The following APAF1 variants were observed in gnomAD, a reference collection of about 807,000 sequenced individuals.
APAF1 encodes apoptotic peptidase activating factor 1, also known as apoptotic protease-activating factor 1.
In APAF1, 91 loss-of-function variants were observed where a neutral mutation model predicts 152.4. That is an observed-to-expected ratio of 0.60 (90% CI 0.50 to 0.71). APAF1 has a LOEUF of 0.71. Among genes scored for constraint, APAF1 ranks in the 30% least tolerant of loss-of-function variants. The probability of loss-of-function intolerance (pLI) is 0.00; values close to 1 mark genes in which losing one functional copy is unlikely to be tolerated. For synonymous variants in APAF1, 484 were observed against 494.1 expected, an observed-to-expected ratio of 0.98 and a Z score of 0.27; for missense variants, 1,283 against 1,472.0, an observed-to-expected ratio of 0.87 and a Z score of 2.10.
At chr12:98,654,750 A>G (rs1329984375) in intron 4 of APAF1, among the ~76,000 whole-genome samples, 1 of 151,946 alleles carries the variant, frequency 6.6e-6, no homozygotes. Context: ...AAAAATGGAA[A>G]CTTAAGGCAA....
At chr12:98,646,862 C>T (rs1025367658) in intron 1 of APAF1, among the ~76,000 whole-genome samples, 5 of 152,114 alleles carry the variant, frequency 3.3e-5, no homozygotes, top group African/African-American at 1.2e-4. Flanking sequence ...TCATGTCCTC[C>T]TGGTCTGAGA....
chr12:98,723,464 A>C, intron 23 of APAF1, 152 bp downstream of exon 23: 1 of 1,026,534 alleles, frequency 9.7e-7, no homozygotes, highest in Admixed American at 2.2e-5. Flanking sequence ...AGTCACCTAC[A>C]TCTGCTGTGT....
rs201605746 is a variant in APAF1 at position 98,671,756 on chromosome 12, C to T, written c.1793+37C>T. 1.8e-5 allele frequency: 28 copies of T among 1,579,234 alleles called. No homozygotes were observed. The African/African-American group carries it at 2.0e-4, about 11-fold the overall frequency. The stretch of plus-strand genomic sequence containing the variant: ...AGGAGAGAAACCAAAGGGAGTGGTG[C>T]GCTAACTATATCATTATTTTTCAGG... On this transcript the variant is annotated intron_variant, in intron 12 of 26. Coordinates refer to ENST00000551964, the MANE Select transcript of APAF1 (RefSeq NM_181861.2).
chr12:98,730,209 T>C (rs2097758539), intron 26 of APAF1, among the ~76,000 whole-genome samples: 1 of 152,242 alleles, frequency 6.6e-6, no homozygotes, highest in Non-Finnish European at 1.5e-5. Context: ...TATTCAGTTA[T>C]TAGGAGATCC....
chr12:98,659,655 G>A (rs2153312932), intron 5 of APAF1, among the ~76,000 whole-genome samples: 1 of 151,724 alleles, frequency 6.6e-6, no homozygotes, highest in East Asian at 2.0e-4. Flanking sequence ...AGGAGGCTGA[G>A]GCAGGAGAAT....
chr12:98,697,979 G>A (rs1021774951), intron 16 of APAF1, among the ~76,000 whole-genome samples: 3 of 152,150 alleles, frequency 2.0e-5, no homozygotes, highest in Non-Finnish European at 4.4e-5. Flanking sequence ...GGCCTGGGGT[G>A]CACAGGGACC....
chr12:98,669,959 C>T (rs2097678011), intron 10 of APAF1, among the ~76,000 whole-genome samples: 2 of 145,468 alleles, frequency 1.4e-5, no homozygotes, highest in Non-Finnish European at 3.0e-5. Flanking sequence ...GACAGGATCT[C>T]ACCAGGATGT....
intron 20 of APAF1, among the ~76,000 whole-genome samples, chr12:98,710,230 ATAGTATATT>A (rs2097726512): frequency 7.6e-6 from 1 of 131,576 alleles, no homozygotes; most frequent in Non-Finnish European, 1.6e-5. Flanking sequence ...CTATTTTCTC[ATAGTATATT>A]TAGGGCCTTT....
intron 20 of APAF1, among the ~76,000 whole-genome samples, chr12:98,711,738 G>A (rs2097728100): frequency 6.6e-6 from 1 of 152,216 alleles, no homozygotes; most frequent in African/African-American, 2.4e-5. Flanking sequence ...TACAGATTAT[G>A]AAATTAGGTA....
intron 3 of APAF1, chr12:98,649,245 G>A (rs773794530): frequency 1.1e-4 from 106 of 981,090 alleles, no homozygotes; most frequent in Non-Finnish European, 1.2e-4. Context: ...AATTGGGTGA[G>A]TAAAGCAGAT....
At chr12:98,729,458 C>T (rs538694686) in intron 26 of APAF1, among the ~76,000 whole-genome samples, 1 of 152,312 alleles carries the variant, frequency 6.6e-6, no homozygotes, top group South Asian at 2.1e-4. Context: ...ACTAATGCCA[C>T]CACTGATCTC....
intron 16 of APAF1, among the ~76,000 whole-genome samples, chr12:98,693,879 G>A (rs756607971): frequency 2.7e-5 from 4 of 150,244 alleles, no homozygotes; most frequent in Non-Finnish European, 4.4e-5. Flanking sequence ...AAGAATCTAT[G>A]GGAAGTAAAT....
Position 98,732,583 on chromosome 12 carries a change from T to C in APAF1, c.*17T>C, listed in dbSNP as rs2097764003. 17 of 1,517,124 alleles carry C rather than the reference T, an allele frequency of 1.1e-5. No homozygotes were observed. Among genetic ancestry groups the C allele is most frequent in the Non-Finnish European group, 1.5e-5 (17 of 1,100,774 alleles). 94.0% of individuals were successfully genotyped at this position (1,517,124 alleles called of 1,614,324 possible). On this transcript the variant is annotated 3_prime_UTR_variant, in exon 27 of 27. Coordinates refer to ENST00000551964, the MANE Select transcript of APAF1 (RefSeq NM_181861.2). ...TTAGAATAAAATAGTTAAGCATTAA[T>C]GTAGTTGAACTTTTTAAATTTTTGA...
chr12:98,700,219 A>G (rs566588452), intron 17 of APAF1, among the ~76,000 whole-genome samples: 1 of 152,336 alleles, frequency 6.6e-6, no homozygotes, highest in African/African-American at 2.4e-5. Flanking sequence ...CAGTAGCCCT[A>G]TGATAATAAT....
chr12:98,693,046 G>C (rs1271172436), intron 16 of APAF1, among the ~76,000 whole-genome samples: 1 of 151,062 alleles, frequency 6.6e-6, no homozygotes, highest in Non-Finnish European at 1.5e-5. Context: ...AGCCTCCCTG[G>C]CATCTTTTAT....
intron 26 of APAF1, among the ~76,000 whole-genome samples, chr12:98,730,561 G>A (rs1593133844): frequency 6.6e-6 from 1 of 152,306 alleles, no homozygotes; most frequent in East Asian, 1.9e-4. Context: ...TGTCTGAAGG[G>A]TGAAAGAACT....
rs979915353 is a variant in APAF1 at position 98,723,366 on chromosome 12, T to C, written c.3204+54T>C. 2.6e-6 allele frequency: 4 copies of C among 1,567,740 alleles called. No homozygotes were observed. The African/African-American group carries it at 5.4e-5, about 21-fold the overall frequency. ...AAAAAGTATTCTCATATTGCAATGA[T>C]TATATTGAGACAGTCAAAAGCCACT... On this transcript the variant is annotated intron_variant, in intron 23 of 26. Transcript: ENST00000551964.
At chr12:98,673,298 T>C (rs755639919) in intron 12 of APAF1, among the ~76,000 whole-genome samples, 4 of 151,578 alleles carry the variant, frequency 2.6e-5, no homozygotes, top group Non-Finnish European at 5.9e-5. Context: ...CTGGTCAACA[T>C]GGTGAAACCC....
rs1373347578 is a variant in APAF1, at chr12:98,732,642, A to T, written c.*76A>T. 3.1e-6 allele frequency: 3 copies of T among 972,408 alleles called. No individual in the cohort carries two copies. The Admixed American group carries it at 6.7e-5, about 22-fold the overall frequency. 60.2% of individuals were successfully genotyped at this position (972,408 alleles called of 1,614,324 possible). ...AAAATTCTAATGAAACCCTGATATCAACTTTTTATAAAGCTCTTAATTGTT... is the reference window on the plus strand; with the variant it reads ...AAAATTCTAATGAAACCCTGATATCTACTTTTTATAAAGCTCTTAATTGTT... On this transcript the variant is annotated 3_prime_UTR_variant, in exon 27 of 27. Coordinates refer to ENST00000551964, the MANE Select transcript of APAF1 (RefSeq NM_181861.2).
Sources: gnomAD v4.1 joint callset for allele counts (sites outside exome capture counted in the v4.1 genomes callset) on GRCh38, gnomAD v4.1.1 for gene constraint, MANE v1.5 for transcripts, NCBI Gene and HGNC (gene_info 2026-07-23, HGNC 2026-07-21) for gene names.